The following ANO3 variants were observed in gnomAD, a reference collection of about 807,000 sequenced individuals.
ANO3 encodes anoctamin 3.
In ANO3, 99 loss-of-function variants were observed where a neutral mutation model predicts 144.8. The observed-to-expected ratio is 0.68, with a 90% confidence interval of 0.58 to 0.81. The LOEUF is 0.81. Ranked by LOEUF, ANO3 falls within the 30% of genes least tolerant of loss-of-function variation. The probability of loss-of-function intolerance (pLI) is 0.00; values close to 1 mark genes in which losing one functional copy is unlikely to be tolerated. For synonymous variants in ANO3, 414 were observed against 392.6 expected, an observed-to-expected ratio of 1.05 and a Z score of -0.64; for missense variants, 905 against 1,202.2, an observed-to-expected ratio of 0.75 and a Z score of 3.66.
chr11:26,471,540 C>A (rs1260839498), intron 4 of ANO3, among the ~76,000 whole-genome samples: 1 of 151,758 alleles, frequency 6.6e-6, no homozygotes, highest in Non-Finnish European at 1.5e-5. Context: ...ATGGGAACTC[C>A]CCTTACCAAT....
chr11:26,209,623 G>A (rs1358648597), intron 1 of ANO3, among the ~76,000 whole-genome samples: 17 of 152,152 alleles, frequency 1.1e-4, no homozygotes, highest in African/African-American at 2.7e-4. Flanking sequence ...GTGTAAAAGC[G>A]TTCCTATTTC....
At position 26,526,375 on chromosome 11, in the gene ANO3, A is replaced by G. The variant is rs565125871; in HGVS notation, c.737+696A>G. ...GCTCCCATTTAATGAATGCTCAAAG[A>G]AAAAGCTTCTTACCCTTGGCCGTTT... On this transcript the variant is annotated intron_variant, in intron 7 of 26. Transcript: ENST00000256737. Among the ~76,000 whole-genome samples the G allele has an allele frequency of 3.9e-5, 6 of 152,276 alleles. No individual in the cohort carries two copies. The South Asian group carries it at 6.2e-4, about 16-fold the overall frequency.
At chr11:26,270,971 A>C (rs1307883484) in intron 1 of ANO3, among the ~76,000 whole-genome samples, 1 of 152,192 alleles carries the variant, frequency 6.6e-6, no homozygotes, top group Non-Finnish European at 1.5e-5. Flanking sequence ...ACACAGCTGG[A>C]GTATGTACTG....
chr11:26,486,521 G>T (rs1208209050), intron 4 of ANO3, among the ~76,000 whole-genome samples: 1 of 152,050 alleles, frequency 6.6e-6, no homozygotes, highest in Non-Finnish European at 1.5e-5. Flanking sequence ...AGTGCTCTTT[G>T]GCGTGATCAA....
chr11:26,196,491 G>A (rs964228596), intron 1 of ANO3, among the ~76,000 whole-genome samples: 2 of 151,898 alleles, frequency 1.3e-5, no homozygotes, highest in South Asian at 2.1e-4. Flanking sequence ...CAAAGCAAAA[G>A]CATTTACAGA....
intron 1 of ANO3, among the ~76,000 whole-genome samples, chr11:26,281,900 A>G (rs939172678): frequency 6.6e-6 from 1 of 152,146 alleles, no homozygotes; most frequent in Non-Finnish European, 1.5e-5. Flanking sequence ...CCAACCCAGC[A>G]CATGTGCATA....
At chr11:26,640,831 T>C (rs1853124588) in intron 21 of ANO3, among the ~76,000 whole-genome samples, 1 of 152,156 alleles carries the variant, frequency 6.6e-6, no homozygotes, top group Non-Finnish European at 1.5e-5. Context: ...CACAATTGTC[T>C]TTCTTCAAGC....
intron 1 of ANO3, among the ~76,000 whole-genome samples, chr11:26,415,500 C>G (rs1422358234): frequency 1.3e-5 from 2 of 152,046 alleles, no homozygotes; most frequent in African/African-American, 4.8e-5. Context: ...GTTTCAGTTT[C>G]TGCTAATAGA....
chr11:26,369,293 A>G (rs182511276), intron 1 of ANO3, among the ~76,000 whole-genome samples: 1 of 152,296 alleles, frequency 6.6e-6, no homozygotes, highest in African/African-American at 2.4e-5. Context: ...TTCAAAATCA[A>G]TGCCATCTGG....
At chr11:26,436,391 C>G (rs562083708) in intron 1 of ANO3, among the ~76,000 whole-genome samples, 1 of 152,116 alleles carries the variant, frequency 6.6e-6, no homozygotes, top group African/African-American at 2.4e-5. Context: ...ACATAACCAA[C>G]AGTCTGGCCA....
intron 1 of ANO3, among the ~76,000 whole-genome samples, chr11:26,311,931 C>T (rs542039454): frequency 5.3e-5 from 8 of 152,280 alleles, no homozygotes; most frequent in African/African-American, 1.7e-4. Context: ...ACATGTGCCA[C>T]GTTGGTGTGC....
intron 1 of ANO3, among the ~76,000 whole-genome samples, chr11:26,220,890 T>G (rs928499573): frequency 1.3e-5 from 2 of 152,144 alleles, no homozygotes; most frequent in Admixed American, 1.3e-4. Flanking sequence ...CATGACAGTG[T>G]GCATTTCATA....
chr11:26,399,784 C>T (rs1857102185), intron 1 of ANO3, among the ~76,000 whole-genome samples: 1 of 151,994 alleles, frequency 6.6e-6, no homozygotes, highest in Non-Finnish European at 1.5e-5. Flanking sequence ...TAACCTGACA[C>T]ATTTTATATT....
Position 26,598,918 on chromosome 11 carries a change from A to C in ANO3, c.1591A>C (p.Thr531Pro). Residue 531 changes from threonine (T) to proline (P), a missense_variant, in exon 16 of 27, where the codon ACG becomes CCG. This residue lies in a region of ANO3 where 597 missense variants were observed against 865.1 expected (regional missense o/e 0.69). Coordinates refer to ENST00000256737, the MANE Select transcript of ANO3 (RefSeq NM_031418.4). ...YYKMEIVNPI[T>P]GKPEPHQPSS... ...CAAGATGGAGATTGTAAATCCCATC[A>C]CGGGAAAACCTGAACCACATCAGCC... 1 of 1,614,010 alleles carries C rather than the reference A, an allele frequency of 6.2e-7. No homozygotes were observed. Among genetic ancestry groups the C allele is most frequent in the Non-Finnish European group, 8.5e-7 (1 of 1,179,920 alleles).
intron 3 of ANO3, among the ~76,000 whole-genome samples, chr11:26,455,102 C>A (rs1164102269): frequency 2.6e-5 from 4 of 152,026 alleles, no homozygotes; most frequent in Non-Finnish European, 5.9e-5. Flanking sequence ...TTATGACAGA[C>A]CCACAGCCAA....
chr11:26,367,428 T>C (rs1193489410), intron 1 of ANO3, among the ~76,000 whole-genome samples: 1 of 152,144 alleles, frequency 6.6e-6, no homozygotes, highest in Non-Finnish European at 1.5e-5. Context: ...AACCCAGCCT[T>C]CACTGTCCAT....
At chr11:26,655,999 T>C (rs183582353) in intron 24 of ANO3, 126 bp from the exon 25 acceptor site, 663 of 724,276 alleles carry the variant, frequency 9.2e-4, no homozygotes, top group Middle Eastern at 1.5e-3. Context: ...AAGAGCTTGG[T>C]TGCTAAAAGT....
At chr11:26,310,624 C>A (rs2133870257) in intron 1 of ANO3, among the ~76,000 whole-genome samples, 1 of 152,304 alleles carries the variant, frequency 6.6e-6, no homozygotes, top group African/African-American at 2.4e-5. Context: ...TCACTGTTTT[C>A]TAGTCTGCAC....
intron 1 of ANO3, among the ~76,000 whole-genome samples, chr11:26,313,868 ATAT>A (rs1194062699): frequency 6.8e-6 from 1 of 147,364 alleles, no homozygotes; most frequent in African/African-American, 2.5e-5. Context: ...ATGAAATTAA[ATAT>A]TATAATATAA....
Sources: gnomAD v4.1 joint callset for allele counts (sites outside exome capture counted in the v4.1 genomes callset) on GRCh38, gnomAD v4.1.1 for gene constraint, gnomAD v4.1.1 regional missense constraint, MANE v1.5 for transcripts, NCBI Gene and HGNC (gene_info 2026-07-23, HGNC 2026-07-21) for gene names.